CDK10: variants seen among roughly 807,000 people sequenced by gnomAD.
CDK10 encodes the protein cyclin dependent kinase 10.
A neutral mutation model predicts 51.0 loss-of-function variants in CDK10; 55 were observed. That is an observed-to-expected ratio of 1.08 (90% CI 0.87 to 1.35). CDK10 has a LOEUF of 1.35. Among genes scored for constraint, CDK10 ranks in the 40% most tolerant of loss-of-function variants. CDK10 has a pLI of 0.00. For synonymous variants in CDK10, 255 were observed against 199.1 expected (o/e 1.28, Z -2.36); for missense variants, 589 against 485.1 (o/e 1.21, Z -2.01).
intron 4 of CDK10, 65 bp from the exon 5 acceptor site, chr16:89,691,741 G>T: frequency 1.3e-6 from 2 of 1,491,256 alleles, no homozygotes; most frequent in Non-Finnish European, 1.9e-6. Flanking sequence ...CTGCAGCAGG[G>T]GAGGCTCCAC....
intron 1 of CDK10, 65 bp downstream of exon 1, chr16:89,686,862 G>T: frequency 7.2e-7 from 1 of 1,396,898 alleles, no homozygotes. Context: ...GCTGGGTCTG[G>T]GGAGCCTCGT....
At chr16:89,695,196 G>A (rs1188377160) in intron 11 of CDK10, 97 bp from the exon 12 acceptor site, 1 of 1,538,456 alleles carries the variant, frequency 6.5e-7, no homozygotes, top group Non-Finnish European at 8.8e-7. Context: ...GTGGCCACCT[G>A]GCTTCCTTTG....
Position 89,696,054 on chromosome 16 carries a change from C to T in CDK10, c.*362C>T, listed in dbSNP as rs930868298. ...CGCTGTCTTTGAGTTGTGGTGGACG[C>T]TGGCCTGGGATGAGAGGGCCCAGAA... On this transcript the variant is annotated 3_prime_UTR_variant, in exon 13 of 13. Coordinates refer to ENST00000353379, the MANE Select transcript of CDK10 (RefSeq NM_052988.5). 1 of 568,846 alleles carries T rather than the reference C, an allele frequency of 1.8e-6. No homozygotes were observed. The highest frequency in any genetic ancestry group is 3.2e-6 in the Non-Finnish European group (1 of 315,882). The allele number at this position is 568,846 out of a possible 1,614,324, so 35.2% of individuals were successfully genotyped here.
At chr16:89,686,945 A>G (rs915558614) in intron 1 of CDK10, 148 bp downstream of exon 1, 27 of 653,122 alleles carry the variant, frequency 4.1e-5, no homozygotes, top group Non-Finnish European at 4.7e-5. Flanking sequence ...GCGGGGGCGG[A>G]AGCCGGGGCG....
Position 89,691,453 on chromosome 16 carries a change from C to T in CDK10, c.243C>T (p.Ile81=), listed in dbSNP as rs767682288. ...RMDKEKDGIP[I]SSLREITLLL... ...CACCTCCCTCCCCAGGCATCCCCAT[C>T]AGCAGCTTGCGGGAGATCACGCTGC... Residue 81 remains isoleucine, a synonymous_variant, in exon 4 of 13, where the codon ATC becomes ATT. Coordinates refer to ENST00000353379, the MANE Select transcript of CDK10 (RefSeq NM_052988.5). 9.3e-6 allele frequency: 15 copies of T among 1,609,518 alleles called. No individual in the cohort carries two copies. The highest frequency in any genetic ancestry group is 2.7e-5 in the African/African-American group (2 of 74,860).
intron 4 of CDK10, 51 bp from the exon 5 acceptor site, chr16:89,691,755 C>T: frequency 1.3e-6 from 2 of 1,559,002 alleles, no homozygotes; most frequent in Non-Finnish European, 1.8e-6. Flanking sequence ...GCTCCACTTC[C>T]ACCCCTTAGG....
At chr16:89,692,359 C>G in intron 5 of CDK10, 90 bp from the exon 6 acceptor site, 2 of 971,206 alleles carry the variant, frequency 2.1e-6, no homozygotes, top group Non-Finnish European at 1.5e-6. Flanking sequence ...ATTGGGACTG[C>G]TAGTCCTGCT....
At chr16:89,693,042 G>A (rs560122131) in intron 6 of CDK10, among the ~76,000 whole-genome samples, 4 of 151,796 alleles carry the variant, frequency 2.6e-5, no homozygotes, top group Admixed American at 6.6e-5. Context: ...GGAGGCCGAG[G>A]CAGGAGAATG....
rs1555519899 is a variant in CDK10, at chr16:89,695,282, GC to G, written c.933-9del. 5 of 1,607,534 alleles carry G rather than the reference GC, an allele frequency of 3.1e-6. No individual in the cohort carries two copies. Among genetic ancestry groups the G allele is most frequent in the Non-Finnish European group, 4.3e-6 (5 of 1,176,384 alleles). On this transcript the variant is annotated splice_polypyrimidine_tract_variant and intron_variant, in intron 11 of 12. Coordinates refer to ENST00000353379, the MANE Select transcript of CDK10 (RefSeq NM_052988.5). ...CTCACAAGTCGCACTAACGCAGGCT[GC>G]CTCCTCCAGGGCGACGGCCGGGGAC...
chr16:89,689,333 C>T lies in CDK10; in HGVS notation c.160+9C>T. 3 of 1,612,642 alleles carry T rather than the reference C, an allele frequency of 1.9e-6. No individual in the cohort carries two copies. The highest frequency in any genetic ancestry group is 2.5e-6 in the Non-Finnish European group (3 of 1,178,720). On this transcript the variant is annotated intron_variant, in intron 2 of 12. Transcript: ENST00000353379. ...TACCTACGGCATTGTGTGTGAGTGG[C>T]CAAGGCTAGGACATGTGGCCGCAGC...
At position 89,693,500 on chromosome 16, in the gene CDK10, G is replaced by A. The variant is rs201101178; in HGVS notation, c.608+33G>A. On this transcript the variant is annotated intron_variant, in intron 8 of 12. Transcript: ENST00000353379. ...CTTCTGAAGCATGGTGGCCCCTGGG[G>A]ACCAGGCCTGTCTGGTGGAGGTCTC... The A allele has an allele frequency of 2.8e-3, 4,504 of 1,606,558 alleles. 5 individuals carry two copies. The highest frequency in any genetic ancestry group is 3.4e-3 in the Non-Finnish European group (4,002 of 1,173,664).
chr16:89,691,763 A>C (rs1446731787), intron 4 of CDK10, 43 bp from the exon 5 acceptor site: 20 of 1,578,862 alleles, frequency 1.3e-5, no homozygotes, highest in Non-Finnish European at 1.7e-5. Context: ...TCCACCCCTT[A>C]GGAGAAGGCC....
rs188735443 is a variant in CDK10 at position 89,691,504 on chromosome 16, C to T, written c.294C>T (p.Ile98=). The stretch of plus-strand genomic sequence containing the variant: ...TGCTCCGCCTGCGTCATCCGAACAT[C>T]GTGGAGCTGAAGGAGGTGGTTGTGG... ...TLLLRLRHPN[I]VELKEVVVGN... is the part of the protein sequence containing the mutation. Residue 98 remains isoleucine, a synonymous_variant, in exon 4 of 13, where the codon ATC becomes ATT. Coordinates refer to ENST00000353379, the MANE Select transcript of CDK10 (RefSeq NM_052988.5). 1.8e-5 allele frequency: 29 copies of T among 1,613,940 alleles called. No individual in the cohort carries two copies. The highest frequency in any genetic ancestry group is 2.2e-5 in the Non-Finnish European group (26 of 1,179,932).
intron 5 of CDK10, 55 bp downstream of exon 5, chr16:89,691,942 G>A: frequency 6.8e-7 from 1 of 1,469,638 alleles, no homozygotes; most frequent in South Asian, 1.1e-5. Context: ...CCCTTGTGGT[G>A]CACATTTATA....
chr16:89,695,607 A>T lies in CDK10; in HGVS notation c.998A>T (p.Glu333Val). Residue 333 changes from glutamate (E) to valine (V), a missense_variant, in exon 13 of 13, where the codon GAG becomes GTG. Glu to Val is a moderately radical substitution (Grantham distance 121). Coordinates refer to ENST00000353379, the MANE Select transcript of CDK10 (RefSeq NM_052988.5). ...FKEKPLPCEP[E>V]LMPTFPHHRN... ...CTTCTCCCTGCAGCCTGTGAGCCGG[A>T]GCTCATGCCGACCTTTCCCCACCAC... 6.2e-7 allele frequency: 1 copy of T among 1,604,744 alleles called. No individual in the cohort carries two copies. Among genetic ancestry groups the T allele is most frequent in the Admixed American group, 1.7e-5 (1 of 59,400 alleles).
At chr16:89,692,568 T>C (rs1567518768) in intron 6 of CDK10, 52 bp downstream of exon 6, 3 of 1,356,400 alleles carry the variant, frequency 2.2e-6, no homozygotes, top group Non-Finnish European at 3.1e-6. Context: ...GAGGCCTAAC[T>C]CTGCTGCCCC....
At chr16:89,693,924 G>C (rs1266766131) in intron 8 of CDK10, 19 of 595,900 alleles carry the variant, frequency 3.2e-5, no homozygotes, top group Non-Finnish European at 5.1e-5. Context: ...GTTGGTAGTG[G>C]CTGGTGTGGC....
At chr16:89,691,623 C>CT in intron 4 of CDK10, 78 bp downstream of exon 4, 4 of 1,296,226 alleles carry the variant, frequency 3.1e-6, no homozygotes, top group Non-Finnish European at 3.3e-6. Context: ...AGAGCGAGGA[C>CT]TGAGTGTCAC....
At position 89,695,641 on chromosome 16, in the gene CDK10, G is replaced by C. The variant is rs1265522537; in HGVS notation, c.1032G>C (p.Lys344Asn). ...CGACCTTTCCCCACCACCGCAACAAGCGGGCCGCCCCAGCCACCTCCGAGG... is the reference window on the plus strand; with the variant it reads ...CGACCTTTCCCCACCACCGCAACAACCGGGCCGCCCCAGCCACCTCCGAGG... ...LMPTFPHHRN[K>N]RAAPATSEGQ... is the part of the protein sequence containing the mutation. Residue 344 changes from lysine (K) to asparagine (N), a missense_variant, in exon 13 of 13, where the codon AAG (lysine) becomes AAC (asparagine). Lys to Asn is a moderately conservative substitution (Grantham distance 94). Coordinates refer to ENST00000353379, the MANE Select transcript of CDK10 (RefSeq NM_052988.5). 1 of 1,605,436 alleles carries C rather than the reference G, an allele frequency of 6.2e-7. No homozygotes were observed. The highest frequency in any genetic ancestry group is 1.7e-5 in the Admixed American group (1 of 59,448).
Sources: gnomAD v4.1 joint callset for allele counts (sites outside exome capture counted in the v4.1 genomes callset) on GRCh38, gnomAD v4.1.1 for gene constraint, MANE v1.5 for transcripts, NCBI Gene and HGNC (gene_info 2026-07-23, HGNC 2026-07-21) for gene names.